The following DPF3 variants were observed in gnomAD, a reference collection of about 807,000 sequenced individuals.
DPF3 encodes double PHD fingers 3, also known as zinc finger protein DPF3.
A neutral mutation model predicts 56.8 loss-of-function variants in DPF3; 18 were observed. That is an observed-to-expected ratio of 0.32 (90% CI 0.22 to 0.47). DPF3 has a LOEUF of 0.47. Among genes scored for constraint, DPF3 ranks in the 20% least tolerant of loss-of-function variants. The pLI is 1.00. For missense variants in DPF3, 403 were observed against 488.8 expected, an observed-to-expected ratio of 0.82 and a Z score of 1.65; for synonymous variants, 188 against 180.2, an observed-to-expected ratio of 1.04 and a Z score of -0.35.
At chr14:72,660,524 G>A (rs552244382) in intron 8 of DPF3, among the ~76,000 whole-genome samples, 22 of 152,302 alleles carry the variant, frequency 1.4e-4, no homozygotes, top group African/African-American at 4.6e-4. Context: ...CCTACCCCGG[G>A]GGTTCCAGCT....
At position 72,881,935 on chromosome 14, in the gene DPF3, G is replaced by T. The variant is rs1039028603; in HGVS notation, c.32+12122C>A. ...TCTTTGGAGAGGGAGAAAATGATGAGCTGGGTAAGTGAAGGGGGGGAAGAT... is the reference window on the plus strand; with the variant it reads ...TCTTTGGAGAGGGAGAAAATGATGATCTGGGTAAGTGAAGGGGGGGAAGAT... On this transcript the variant is annotated intron_variant, in intron 1 of 10. Transcript: ENST00000556509. Among the ~76,000 whole-genome samples the T allele has an allele frequency of 6.6e-5, 10 of 150,686 alleles. No individual in the cohort carries two copies. The South Asian group carries it at 1.9e-3, about 28-fold the overall frequency.
intron 6 of DPF3, among the ~76,000 whole-genome samples, chr14:72,710,467 A>G (rs117261223): frequency 6.6e-6 from 1 of 152,364 alleles, no homozygotes; most frequent in Non-Finnish European, 1.5e-5. Context: ...AGCAGAAAAT[A>G]ATAAGAGCTG....
At chr14:72,726,524 G>A (rs747608306) in intron 4 of DPF3, among the ~76,000 whole-genome samples, 6 of 152,344 alleles carry the variant, frequency 3.9e-5, no homozygotes, top group East Asian at 1.9e-4. Context: ...GGCCTCAGAT[G>A]TGATGGCGGC....
At chr14:72,706,579 C>T (rs960616611) in intron 6 of DPF3, among the ~76,000 whole-genome samples, 2 of 152,168 alleles carry the variant, frequency 1.3e-5, no homozygotes, top group African/African-American at 4.8e-5. Flanking sequence ...AGCAAAATGA[C>T]TTTCTCGATG....
At chr14:72,712,430 C>G (rs1249522535) in intron 6 of DPF3, among the ~76,000 whole-genome samples, 1 of 151,982 alleles carries the variant, frequency 6.6e-6, no homozygotes, top group Non-Finnish European at 1.5e-5. Flanking sequence ...GGGATGAAGT[C>G]AGAGAAAAGG....
At chr14:72,699,359 A>C (rs1437891652) in intron 6 of DPF3, among the ~76,000 whole-genome samples, 1 of 151,770 alleles carries the variant, frequency 6.6e-6, no homozygotes, top group African/African-American at 2.4e-5. Flanking sequence ...ATCTCTGCAA[A>C]AGACAATTCA....
Position 72,629,532 on chromosome 14 carries a change from C to T in DPF3, c.984+92G>A, listed in dbSNP as rs1274569187. 12 of 1,238,240 alleles carry T rather than the reference C, an allele frequency of 9.7e-6. No individual in the cohort carries two copies. The East Asian group carries it at 1.8e-4, about 18-fold the overall frequency. The allele number at this position is 1,238,240 out of a possible 1,614,324, so 76.7% of individuals were successfully genotyped here. A position where few individuals can be genotyped will look rare whatever the true frequency, so the allele number is the denominator to read the frequency against. ...GTGCCAGGGTAACAGGCCCCAGGGG[C>T]CTAGTGACAAGAGTCCTTCCTTCCT... On this transcript the variant is annotated intron_variant, in intron 9 of 10. Transcript: ENST00000556509.
intron 1 of DPF3, among the ~76,000 whole-genome samples, chr14:72,823,408 G>A (rs2140038138): frequency 6.6e-6 from 1 of 152,332 alleles, no homozygotes; most frequent in South Asian, 2.1e-4. Context: ...CAAGGACATG[G>A]CGGACGCGTC....
chr14:72,669,253 G>A (rs1313045016), intron 8 of DPF3, among the ~76,000 whole-genome samples: 1 of 152,144 alleles, frequency 6.6e-6, no homozygotes, highest in Non-Finnish European at 1.5e-5. Context: ...ATCTGCAGGG[G>A]CTGGACTGTC....
At chr14:72,656,529 G>T (rs1308982594) in intron 8 of DPF3, among the ~76,000 whole-genome samples, 1 of 152,178 alleles carries the variant, frequency 6.6e-6, no homozygotes, top group Admixed American at 6.5e-5. Flanking sequence ...CTAGTCTGGT[G>T]TAAAGAAAGA....
At position 72,771,838 on chromosome 14, in the gene DPF3, G is replaced by C. The variant is rs756808658; in HGVS notation, c.88C>G (p.Arg30Gly). Residue 30 changes from arginine (R) to glycine (G), a missense_variant, in exon 2 of 11, where the codon CGG becomes GGG. Arg to Gly is a moderately radical substitution (Grantham distance 125). Transcript: ENST00000556509. ...CGCACGCTGCGCTCTGCACACAGCC[G>C]TGAGTTGTAACTCCGGCAGTGCTCA... ...AIEHCRSYNS[R>G]LCAERSVRLP... 6.2e-7 allele frequency: 1 copy of C among 1,612,752 alleles called. No homozygotes were observed. Among genetic ancestry groups the C allele is most frequent in the Non-Finnish European group, 8.5e-7 (1 of 1,179,284 alleles).
chr14:72,708,233 C>G (rs1224833062), intron 6 of DPF3, among the ~76,000 whole-genome samples: 1 of 152,204 alleles, frequency 6.6e-6, no homozygotes, highest in Non-Finnish European at 1.5e-5. Context: ...ACTTCACCCT[C>G]TCCCCAGCCC....
chr14:72,793,350 T>C (rs1388269483), intron 1 of DPF3, among the ~76,000 whole-genome samples: 3 of 152,222 alleles, frequency 2.0e-5, no homozygotes, highest in Non-Finnish European at 4.4e-5. Context: ...CTGAGGTCAC[T>C]TGCTTTCTCT....
chr14:72,771,548 C>T (rs1034862394), intron 2 of DPF3, among the ~76,000 whole-genome samples, 185 bp downstream of exon 2: 5 of 139,866 alleles, frequency 3.6e-5, no homozygotes, highest in Admixed American at 2.9e-4. Flanking sequence ...TTGTCACATT[C>T]CTTGAAACAC....
intron 2 of DPF3, among the ~76,000 whole-genome samples, chr14:72,770,610 G>C (rs915884162): frequency 6.6e-6 from 1 of 152,176 alleles, no homozygotes; most frequent in African/African-American, 2.4e-5. Context: ...AATAAAATGA[G>C]GTCAGGGAGA....
intron 1 of DPF3, among the ~76,000 whole-genome samples, chr14:72,884,953 T>TATATATATATATATATATATATATATAA: frequency 1.4e-5 from 1 of 73,780 alleles, no homozygotes; most frequent in East Asian, 7.2e-4. Context: ...TATATATATA[T>TATATATATATATATATATATATATATAA]ATATATATAT....
chr14:72,644,735 C>G (rs1407989030), intron 8 of DPF3, among the ~76,000 whole-genome samples: 1 of 152,182 alleles, frequency 6.6e-6, no homozygotes, highest in African/African-American at 2.4e-5. Flanking sequence ...CGAGGCCCTT[C>G]TGGATAAGCA....
chr14:72,875,199 G>T (rs2080252), intron 1 of DPF3, among the ~76,000 whole-genome samples: 72,378 of 152,032 alleles, frequency 0.48, 18,274 homozygotes, highest in African/African-American at 0.64. Context: ...GGAGATCAAT[G>T]CAAGTTGAGA....
intron 1 of DPF3, among the ~76,000 whole-genome samples, chr14:72,811,876 T>C (rs900479732): frequency 6.6e-6 from 1 of 151,672 alleles, no homozygotes; most frequent in Non-Finnish European, 1.5e-5. Context: ...TTTTGGAGAG[T>C]TGGTGGCTTG....
Sources: allele counts gnomAD v4.1 joint callset (sites outside exome capture counted in the v4.1 genomes callset), GRCh38; gene constraint gnomAD v4.1.1; transcripts MANE v1.5; gene names NCBI Gene and HGNC (gene_info 2026-07-23, HGNC 2026-07-21).